Variants in GRID1 observed in about 807,000 individuals in gnomAD.
GRID1 encodes the protein glutamate ionotropic receptor delta type subunit 1.
A neutral mutation model predicts 98.0 loss-of-function variants in GRID1; 28 were observed. That is an observed-to-expected ratio of 0.29 (90% CI 0.21 to 0.39). The LOEUF is 0.39. GRID1 is among the 10% of genes least tolerant of loss of function. The pLI is 1.00. For missense variants in GRID1, 1,111 were observed against 1,340.5 expected (o/e 0.83, Z 2.67); for synonymous variants, 553 against 538.5 (o/e 1.03, Z -0.37).
chr10:86,138,793 T>C (rs1564687316), intron 4 of GRID1, 26 bp downstream of exon 4: 2 of 1,588,334 alleles, frequency 1.3e-6, no homozygotes, highest in Admixed American at 1.7e-5. Context: ...ACCAGGCCCC[T>C]GAGGCCTCAG....
At chr10:85,777,123 A>G (rs1425570584) in intron 8 of GRID1, among the ~76,000 whole-genome samples, 1 of 152,164 alleles carries the variant, frequency 6.6e-6, no homozygotes, top group African/African-American at 2.4e-5. Flanking sequence ...CTAATGTATA[A>G]TTACAGCTGG....
intron 8 of GRID1, among the ~76,000 whole-genome samples, chr10:85,817,192 G>A (rs766690863): frequency 3.0e-4 from 45 of 152,308 alleles, no homozygotes; most frequent in Non-Finnish European, 5.7e-4. Context: ...ATGGTAGAAT[G>A]ATTTATATTC....
chr10:86,115,802 A>ACAGGTCTATT (rs1221300340), intron 4 of GRID1, among the ~76,000 whole-genome samples: 1 of 152,240 alleles, frequency 6.6e-6, no homozygotes, highest in African/African-American at 2.4e-5. Flanking sequence ...GGGAGGCCAA[A>ACAGGTCTATT]ACATGTGTAC....
Position 86,146,779 on chromosome 10 carries a change from G to A in GRID1, c.521-7755C>T, listed in dbSNP as rs914258269. ...TCTGGGTCCTGAGGGTAAGACTGAC[G>A]CTGACCCTGAAGAAAGGAGTGGCTC... On this transcript the variant is annotated intron_variant, in intron 3 of 15. Transcript: ENST00000327946. 9.9e-5 allele frequency among the ~76,000 whole-genome samples: 15 copies of A among 152,178 alleles called. 1 individual carries two copies. The highest frequency in any genetic ancestry group is 6.5e-5 in the Admixed American group (1 of 15,286).
Position 85,602,474 on chromosome 10 carries a change from G to T in GRID1, c.2829C>A (p.Leu943=), listed in dbSNP as rs756599880. The T allele has an allele frequency of 1.9e-6, 3 of 1,614,214 alleles. No homozygotes were observed. Among genetic ancestry groups the T allele is most frequent in the Non-Finnish European group, 2.5e-6 (3 of 1,180,048 alleles). ...EQSSHGTSRT[L]SSGPSSNLPL... is the part of the protein sequence containing the mutation. ...GCAGGTTGCTGCTGGGCCCTGATGAGAGTGTCCGGCTGGTGCCATGGCTGC... is the reference window on the plus strand; with the variant it reads ...GCAGGTTGCTGCTGGGCCCTGATGATAGTGTCCGGCTGGTGCCATGGCTGC... Residue 943 remains leucine, a synonymous_variant, in exon 16 of 16, where the codon CTC becomes CTA. Transcript: ENST00000327946.
In GRID1 at chr10:85,620,981, C is replaced by T. The variant is rs541119282; in HGVS notation, c.2194-948G>A. 2.4e-4 allele frequency among the ~76,000 whole-genome samples: 37 copies of T among 152,268 alleles called. No individual in the cohort carries two copies. In the South Asian group the frequency reaches 3.1e-3, roughly 13 times the overall value. ...TCTTCCATCAGGAACTTGCCTGCAGCGACAGCTAAAGCCCTACTCTGTCGC... is the reference window on the plus strand; with the variant it reads ...TCTTCCATCAGGAACTTGCCTGCAGTGACAGCTAAAGCCCTACTCTGTCGC... On this transcript the variant is annotated intron_variant, in intron 13 of 15. Coordinates refer to ENST00000327946, the MANE Select transcript of GRID1 (RefSeq NM_017551.3).
chr10:85,617,099 TG>T (rs1842798686), intron 14 of GRID1, among the ~76,000 whole-genome samples: 1 of 152,190 alleles, frequency 6.6e-6, no homozygotes, highest in Non-Finnish European at 1.5e-5. Context: ...CACATAAGGC[TG>T]GGACCTGTCA....
At chr10:85,896,687 A>C (rs1402807723) in intron 5 of GRID1, among the ~76,000 whole-genome samples, 1 of 152,214 alleles carries the variant, frequency 6.6e-6, no homozygotes, top group Non-Finnish European at 1.5e-5. Flanking sequence ...AATGCAGTGC[A>C]CCTTTTTATC....
intron 4 of GRID1, among the ~76,000 whole-genome samples, chr10:86,123,271 G>A (rs1174536412): frequency 6.6e-6 from 1 of 152,204 alleles, no homozygotes. Flanking sequence ...AGAGGGCAGA[G>A]GGCCATAGCC....
chr10:86,292,903 T>C lies in GRID1; in HGVS notation c.235+71038A>G, dbSNP rs148094161. ...GAATGTAGCTCTGTGAGTGTGGGTG[T>C]GAGTGAGGGTGTCTGTGTGAAGAGA... On this transcript the variant is annotated intron_variant, in intron 2 of 15. Transcript: ENST00000327946. 3.5e-3 allele frequency among the ~76,000 whole-genome samples: 526 copies of C among 152,146 alleles called. 2 individuals carry two copies. The highest frequency in any genetic ancestry group is 0.012 in the African/African-American group (505 of 41,478).
At chr10:85,965,714 A>G (rs1842327995) in intron 4 of GRID1, among the ~76,000 whole-genome samples, 2 of 152,122 alleles carry the variant, frequency 1.3e-5, no homozygotes, top group African/African-American at 4.8e-5. Flanking sequence ...GCAGCAAACC[A>G]CAATGGTACA....
intron 4 of GRID1, among the ~76,000 whole-genome samples, chr10:85,967,870 A>C (rs1192956302): frequency 1.3e-5 from 2 of 152,194 alleles, no homozygotes; most frequent in African/African-American, 4.8e-5. Context: ...GACATGTTCA[A>C]AGTACTGCAA....
At chr10:86,142,876 G>T (rs35614527) in intron 3 of GRID1, among the ~76,000 whole-genome samples, 16,183 of 152,236 alleles carry the variant, frequency 0.11, 1,230 homozygotes, top group African/African-American at 0.21. Context: ...CCACAGGACG[G>T]TTTTATTTCT....
chr10:85,888,267 TC>T, intron 5 of GRID1, among the ~76,000 whole-genome samples: 1 of 152,120 alleles, frequency 6.6e-6, no homozygotes, highest in African/African-American at 2.4e-5. Flanking sequence ...CTCATCCACC[TC>T]CTCCATCACA....
At chr10:86,023,744 CCCAGG>C (rs1564652734) in intron 4 of GRID1, among the ~76,000 whole-genome samples, 1 of 152,084 alleles carries the variant, frequency 6.6e-6, no homozygotes, top group African/African-American at 2.4e-5. Flanking sequence ...CACGAAAGAA[CCCAGG>C]CCTCCTCCCA....
intron 4 of GRID1, among the ~76,000 whole-genome samples, chr10:86,081,348 G>A (rs571423010): frequency 6.6e-6 from 1 of 152,258 alleles, no homozygotes; most frequent in East Asian, 1.9e-4. Context: ...AGGAGAAACT[G>A]ACAATGCAAG....
At chr10:86,239,550 C>G (rs1846594863) in intron 2 of GRID1, among the ~76,000 whole-genome samples, 1 of 152,174 alleles carries the variant, frequency 6.6e-6, no homozygotes, top group South Asian at 2.1e-4. Context: ...ACCCAAATCT[C>G]AAATTATAAT....
At chr10:86,075,664 C>T (rs1202627203) in intron 4 of GRID1, among the ~76,000 whole-genome samples, 1 of 152,208 alleles carries the variant, frequency 6.6e-6, no homozygotes, top group Non-Finnish European at 1.5e-5. Flanking sequence ...TGCCCGTGGC[C>T]ACCATAAATC....
chr10:85,745,646 G>A (rs1287462235), intron 8 of GRID1, among the ~76,000 whole-genome samples: 8 of 139,150 alleles, frequency 5.7e-5, no homozygotes, highest in African/African-American at 8.3e-5. Flanking sequence ...TGGGTGCAGC[G>A]CACCAGCATG....
Sources: allele counts gnomAD v4.1 joint callset (sites outside exome capture counted in the v4.1 genomes callset), GRCh38; gene constraint gnomAD v4.1.1; transcripts MANE v1.5; gene names NCBI Gene and HGNC (gene_info 2026-07-23, HGNC 2026-07-21).